Variants in ATXN1 observed in about 807,000 individuals in gnomAD.
The protein encoded by ATXN1 is ataxin-1.
ATXN1 carries 8 observed loss-of-function variants against 56.4 expected under a neutral mutation model. That is an observed-to-expected ratio of 0.14 (90% CI 0.08 to 0.26). The LOEUF (loss-of-function observed/expected upper bound fraction) is 0.26. Ranked by LOEUF, ATXN1 falls within the 10% of genes least tolerant of loss-of-function variation. The pLI, the probability that ATXN1 is intolerant of heterozygous loss-of-function variation, is 1.00. For synonymous variants in ATXN1, 514 were observed against 494.6 expected (o/e 1.04, Z -0.52); for missense variants, 987 against 1,106.5 (o/e 0.89, Z 1.53).
intron 6 of ATXN1, among the ~76,000 whole-genome samples, chr6:16,391,161 CAAAAAA>C (rs35472967): frequency 8.9e-5 from 5 of 56,408 alleles, no homozygotes; most frequent in Non-Finnish European, 1.4e-4. Context: ...GACTCCATCT[CAAAAAA>C]AAAAAAAAAA....
In ATXN1 at chr6:16,327,573, C is replaced by T; in HGVS notation, c.738G>A (p.Gln246=). ...GCGGAGAACTGGAAATGTGGACGTA[C>T]TGGTTCTGCTGGGCTGGTGGGGGGG... ...PGSPPPAQQN[Q]YVHISSSPQN... Residue 246 remains glutamine, a synonymous_variant, in exon 7 of 8, where the codon CAG becomes CAA. Coordinates refer to ENST00000436367, the MANE Select transcript of ATXN1 (RefSeq NM_001128164.2). 1 of 1,600,518 alleles carries T rather than the reference C, an allele frequency of 6.2e-7. No individual in the cohort carries two copies.
At chr6:16,546,314 T>C (rs1303999884) in intron 4 of ATXN1, among the ~76,000 whole-genome samples, 1 of 152,198 alleles carries the variant, frequency 6.6e-6, no homozygotes, top group Admixed American at 6.5e-5. Context: ...CCATAGAATT[T>C]TTTAAGCTCC....
intron 6 of ATXN1, among the ~76,000 whole-genome samples, chr6:16,427,197 G>A (rs963232858): frequency 1.1e-4 from 16 of 152,090 alleles, no homozygotes; most frequent in African/African-American, 3.9e-4. Context: ...GGTAAACCAG[G>A]GTTTCTCAGC....
intron 2 of ATXN1, among the ~76,000 whole-genome samples, chr6:16,682,782 C>A (rs1758840824): frequency 6.6e-6 from 1 of 152,164 alleles, no homozygotes; most frequent in East Asian, 1.9e-4. Flanking sequence ...ATTTACTGTA[C>A]AAGTAATAAC....
At chr6:16,703,498 A>C (rs1759335927) in intron 2 of ATXN1, among the ~76,000 whole-genome samples, 1 of 152,214 alleles carries the variant, frequency 6.6e-6, no homozygotes, top group South Asian at 2.1e-4. Flanking sequence ...AAATTCCTTT[A>C]TAACTCTATA....
chr6:16,496,704 C>T (rs1168186124), intron 5 of ATXN1, among the ~76,000 whole-genome samples: 2 of 152,134 alleles, frequency 1.3e-5, no homozygotes, highest in Non-Finnish European at 1.5e-5. Context: ...CTGATGATCG[C>T]GTTTCATTAA....
intron 6 of ATXN1, among the ~76,000 whole-genome samples, chr6:16,340,769 AT>A (rs1761228061): frequency 1.3e-5 from 2 of 152,228 alleles, no homozygotes. Flanking sequence ...GCGTTCAGTG[AT>A]AAGAATGCCT....
intron 2 of ATXN1, among the ~76,000 whole-genome samples, chr6:16,680,329 C>T (rs1758788118): frequency 6.6e-6 from 1 of 152,122 alleles, no homozygotes; most frequent in East Asian, 1.9e-4. Flanking sequence ...AGAAAGGCCC[C>T]CTACCCCCCA....
rs189375745 is a variant in ATXN1 at position 16,701,014 on chromosome 6, G to C, written c.-614-43113C>G. ...AAAAACAAAAAGCAGCGACCTCCTG[G>C]GTATGGTAATATCTGAACAGAAGCG... On this transcript the variant is annotated intron_variant, in intron 2 of 7. Transcript: ENST00000436367. Among the ~76,000 whole-genome samples the C allele has an allele frequency of 3.3e-3, 500 of 152,038 alleles. 5 individuals are homozygous for C. The highest frequency in any genetic ancestry group is 0.014 in the Middle Eastern group (4 of 294).
chr6:16,359,428 G>A (rs1761761483), intron 6 of ATXN1, among the ~76,000 whole-genome samples: 1 of 152,150 alleles, frequency 6.6e-6, no homozygotes, highest in African/African-American at 2.4e-5. Flanking sequence ...GAGAGAGAAT[G>A]GGACTGGATG....
At chr6:16,458,561 A>G (rs932249390) in intron 6 of ATXN1, among the ~76,000 whole-genome samples, 7 of 152,208 alleles carry the variant, frequency 4.6e-5, no homozygotes, top group Non-Finnish European at 7.3e-5. Flanking sequence ...GTTCTCTAAT[A>G]GGAACCAAGA....
intron 3 of ATXN1, among the ~76,000 whole-genome samples, chr6:16,607,598 T>C (rs1017264881): frequency 6.6e-6 from 1 of 152,200 alleles, no homozygotes; most frequent in Non-Finnish European, 1.5e-5. Context: ...TTCCATCTGA[T>C]AGGTCAAAAT....
Position 16,328,518 on chromosome 6 carries a change from G to T in ATXN1, c.-160-48C>A. On this transcript the variant is annotated intron_variant, in intron 6 of 7. Coordinates refer to ENST00000436367, the MANE Select transcript of ATXN1 (RefSeq NM_001128164.2). This position sits in a 1 kb window ranked among gnomAD's most constrained non-coding sequence, Gnocchi z 6.2. Reference sequence around the variant, plus strand: ...GACAAAGGGAAAAGGAAAGGGAGGAGAAAGGGAAGGAGGGAAAGGACATCA... The same window carrying T: ...GACAAAGGGAAAAGGAAAGGGAGGATAAAGGGAAGGAGGGAAAGGACATCA... 1 of 902,748 alleles carries T rather than the reference G, an allele frequency of 1.1e-6. No homozygotes were observed. The highest frequency in any genetic ancestry group is 1.5e-6 in the Non-Finnish European group (1 of 669,302). 55.9% of individuals were successfully genotyped at this position (902,748 alleles called of 1,614,324 possible).
In ATXN1 at chr6:16,760,866, G is replaced by A. The variant is rs1761069875; in HGVS notation, c.-730+432C>T. Among the ~76,000 whole-genome samples the A allele has an allele frequency of 6.7e-6, 1 of 148,894 alleles. No individual in the cohort carries two copies. Among genetic ancestry groups the A allele is most frequent in the South Asian group, 2.1e-4 (1 of 4,742 alleles). On this transcript the variant is annotated intron_variant, in intron 1 of 7. Coordinates refer to ENST00000436367, the MANE Select transcript of ATXN1 (RefSeq NM_001128164.2). The surrounding 1 kb of genome is among the most constrained non-coding windows in gnomAD (Gnocchi z 5.3). Reference sequence around the variant, plus strand: ...CGGAGGGAGGAGGACATGGCTCTCCGCACTTGCGACCGGACCAGCAGCCGG... The same window carrying A: ...CGGAGGGAGGAGGACATGGCTCTCCACACTTGCGACCGGACCAGCAGCCGG...
intron 6 of ATXN1, among the ~76,000 whole-genome samples, chr6:16,424,702 T>A (rs150613381): frequency 6.6e-6 from 1 of 152,142 alleles, no homozygotes; most frequent in African/African-American, 2.4e-5. Flanking sequence ...AAAGAGAGGA[T>A]CAGCTGGGAT....
intron 5 of ATXN1, among the ~76,000 whole-genome samples, chr6:16,496,536 C>T (rs544902509): frequency 9.2e-5 from 14 of 152,222 alleles, no homozygotes; most frequent in African/African-American, 2.9e-4. Flanking sequence ...TGTCTGAGCT[C>T]GCTACAGGTC....
Position 16,299,438 on chromosome 6 carries a change from C to T in ATXN1, c.*6891G>A, listed in dbSNP as rs1231588673. ...ACACTGGAATTACAGAGAGTATGCA[C>T]GCATATGGAAAAAAGTTCTCCTGTC... On this transcript the variant is annotated 3_prime_UTR_variant, in exon 8 of 8. Coordinates refer to ENST00000436367, the MANE Select transcript of ATXN1 (RefSeq NM_001128164.2). The T allele has an allele frequency of 6.6e-6, 1 of 152,574 alleles. No homozygotes were observed. The highest frequency in any genetic ancestry group is 1.5e-5 in the Non-Finnish European group (1 of 68,036). The allele number at this position is 152,574 out of a possible 1,614,324, so 9.5% of individuals were successfully genotyped here. A position where few individuals can be genotyped will look rare whatever the true frequency, so the allele number is the denominator to read the frequency against.
chr6:16,593,777 A>G (rs544926919), intron 3 of ATXN1, among the ~76,000 whole-genome samples: 54 of 151,666 alleles, frequency 3.6e-4, no homozygotes, highest in Middle Eastern at 3.4e-3. Flanking sequence ...TAGTTCCTTC[A>G]TATTCACTGC....
Position 16,326,569 on chromosome 6 carries a change from T to C in ATXN1, c.1742A>G (p.Gln581Arg), listed in dbSNP as rs1760810442. The change falls in exon 7 of 8, where the codon CAG (glutamine) becomes CGG (arginine). Residue 581 changes from glutamine to arginine, a missense_variant. Physicochemically the swap from Gln to Arg is conservative, Grantham distance 43. Around this residue, in one of 3 missense-constraint regions of ATXN1, gnomAD observed 68 missense variants for 118.1 expected, o/e 0.58. Transcript: ENST00000436367. This position sits in a 1 kb window ranked among gnomAD's most constrained non-coding sequence, Gnocchi z 6.6. The stretch of plus-strand genomic sequence containing the variant: ...CTTCTTTAGCTCCCCGTTGGCCAAC[T>C]GGATGATGGAGCCTTTCATGAAGTA... ...PPYFMKGSII[Q>R]LANGELKKVE... The C allele has an allele frequency of 1.2e-6, 2 of 1,613,980 alleles. No homozygotes were observed. Among genetic ancestry groups the C allele is most frequent in the Non-Finnish European group, 1.7e-6 (2 of 1,180,024 alleles).
Sources: allele counts gnomAD v4.1 joint callset (sites outside exome capture counted in the v4.1 genomes callset), GRCh38; gene constraint gnomAD v4.1.1; regional missense constraint gnomAD v4.1.1; non-coding constraint Gnocchi (gnomAD v3.1); transcripts MANE v1.5; gene names NCBI Gene and HGNC (gene_info 2026-07-23, HGNC 2026-07-21).